The following ANKRD11 variants were observed in gnomAD, a reference collection of about 807,000 sequenced individuals.
ANKRD11 encodes ankyrin repeat domain-containing protein 11.
Under a neutral mutation model 195.7 loss-of-function variants are expected in ANKRD11, and 17 were observed. That is an observed-to-expected ratio of 0.09 (90% CI 0.06 to 0.13). The LOEUF is 0.13. ANKRD11 is among the 10% of genes least tolerant of loss of function. The probability of loss-of-function intolerance (pLI) is 1.00; values close to 1 mark genes in which losing one functional copy is unlikely to be tolerated. For synonymous variants in ANKRD11, 1,953 were observed against 1,528.1 expected (o/e 1.28, Z -6.49); for missense variants, 3,735 against 3,566.1 (o/e 1.05, Z -1.21).
chr16:89,439,935 C>A (rs1234153662), intron 1 of ANKRD11, among the ~76,000 whole-genome samples: 1 of 152,216 alleles, frequency 6.6e-6, no homozygotes, highest in Non-Finnish European at 1.5e-5. Flanking sequence ...CTGCACACAC[C>A]CACAGCAGGA....
rs746746062 is a variant in ANKRD11 at position 89,268,571 on chromosome 16, G to A, written c.7899C>T (p.Pro2633=). ...TCACGCACAGGGACTTGTGCCCGGC[G>A]GGGTCCAGTTCCTGCACCTTCAGCT... ...EWQLKVQELD[P]AGHKSLCVNE... Residue 2633 remains proline, a synonymous_variant, in exon 13 of 13, where the codon CCC becomes CCT. Transcript: ENST00000301030. 8.5e-6 allele frequency: 13 copies of A among 1,532,378 alleles called. No homozygotes were observed. Among genetic ancestry groups the A allele is most frequent in the Middle Eastern group, 2.1e-4 (1 of 4,822 alleles). 94.9% of individuals were successfully genotyped at this position (1,532,378 alleles called of 1,614,324 possible). A position where few individuals can be genotyped will look rare whatever the true frequency, so the allele number is the denominator to read the frequency against.
intron 3 of ANKRD11, chr16:89,313,649 T>G (rs2036753303): frequency 7.9e-7 from 1 of 1,263,638 alleles, no homozygotes; most frequent in Admixed American, 2.3e-5. Context: ...GAGTTTATGG[T>G]AGAAGACTGA....
At chr16:89,319,234 G>C (rs919632627) in intron 2 of ANKRD11, among the ~76,000 whole-genome samples, 4 of 152,204 alleles carry the variant, frequency 2.6e-5, no homozygotes, top group Admixed American at 2.6e-4. Context: ...ACGGCCTCCG[G>C]ACGGTGTCTG....
At chr16:89,490,000 CG>C (rs770726393) in intron 1 of ANKRD11, among the ~76,000 whole-genome samples, 48,685 of 109,332 alleles carry the variant, frequency 0.45, 11,756 homozygotes, top group East Asian at 0.6. Flanking sequence ...ACGGCCACCC[CG>C]GGCCCCCAAA....
intron 2 of ANKRD11, among the ~76,000 whole-genome samples, chr16:89,410,125 C>A (rs2042058286): frequency 6.6e-6 from 1 of 152,176 alleles, no homozygotes; most frequent in South Asian, 2.1e-4. Context: ...AGGCGTGAGC[C>A]ACCGCGTCCA....
chr16:89,367,781 C>T (rs1003350611), intron 2 of ANKRD11, among the ~76,000 whole-genome samples: 2 of 152,200 alleles, frequency 1.3e-5, no homozygotes. Context: ...CTGCCTCTTG[C>T]AAACTATGAC....
chr16:89,465,636 T>C (rs751229135), intron 1 of ANKRD11, among the ~76,000 whole-genome samples: 1 of 152,198 alleles, frequency 6.6e-6, no homozygotes, highest in African/African-American at 2.4e-5. Flanking sequence ...ACGACTCCCA[T>C]GTACTCCTGC....
chr16:89,316,637 G>A (rs1181624083), intron 3 of ANKRD11, among the ~76,000 whole-genome samples: 1 of 152,260 alleles, frequency 6.6e-6, no homozygotes, highest in Non-Finnish European at 1.5e-5. Context: ...AGCCAGGACA[G>A]AAATCCTGGA....
intron 2 of ANKRD11, among the ~76,000 whole-genome samples, chr16:89,404,826 G>C (rs1300483411): frequency 6.6e-6 from 1 of 152,230 alleles, no homozygotes; most frequent in African/African-American, 2.4e-5. Flanking sequence ...ATGCCACCTT[G>C]ACGCTGAATG....
chr16:89,482,597 C>T (rs148576958), intron 1 of ANKRD11, among the ~76,000 whole-genome samples: 135 of 152,278 alleles, frequency 8.9e-4, no homozygotes, highest in South Asian at 1.9e-3. Context: ...TCGCAGTGCT[C>T]GGGTGGGCCC....
At chr16:89,303,383 A>G (rs1274887647) in intron 4 of ANKRD11, among the ~76,000 whole-genome samples, 1 of 152,208 alleles carries the variant, frequency 6.6e-6, no homozygotes, top group Non-Finnish European at 1.5e-5. Flanking sequence ...GAGAGTACAC[A>G]GCACCGCTGG....
chr16:89,408,578 G>A (rs1597317086), intron 2 of ANKRD11, among the ~76,000 whole-genome samples: 1 of 152,146 alleles, frequency 6.6e-6, no homozygotes, highest in East Asian at 1.9e-4. Flanking sequence ...CGTGAGCACT[G>A]CCCCACACAC....
chr16:89,272,164 A>G (rs1050153424), intron 11 of ANKRD11: 1 of 152,254 alleles, frequency 6.6e-6, no homozygotes, highest in Non-Finnish European at 1.5e-5. Context: ...ATTGATCGTC[A>G]GAGAAATGCA....
At chr16:89,307,777 G>C (rs1177650992) in intron 3 of ANKRD11, among the ~76,000 whole-genome samples, 13 of 152,262 alleles carry the variant, frequency 8.5e-5, no homozygotes, top group African/African-American at 2.9e-4. Context: ...CGCCAGGAAA[G>C]AATGGCACAC....
At chr16:89,312,882 C>G (rs951854169) in intron 3 of ANKRD11, among the ~76,000 whole-genome samples, 1 of 152,154 alleles carries the variant, frequency 6.6e-6, no homozygotes, top group Non-Finnish European at 1.5e-5. Flanking sequence ...TCTTGAGGGA[C>G]GTAGCTCCCA....
intron 1 of ANKRD11, among the ~76,000 whole-genome samples, chr16:89,481,222 T>C (rs1369892164): frequency 1.3e-5 from 2 of 152,184 alleles, no homozygotes; most frequent in Admixed American, 6.5e-5. Flanking sequence ...ACCTACACAG[T>C]GTGCTTTCGA....
chr16:89,271,400 T>C (rs1004684180), intron 11 of ANKRD11: 6 of 237,172 alleles, frequency 2.5e-5, no homozygotes, highest in Non-Finnish European at 5.1e-5. Flanking sequence ...CACGCCCAGC[T>C]AATTTTGTAT....
chr16:89,464,276 C>T (rs143343030), intron 1 of ANKRD11, among the ~76,000 whole-genome samples: 83 of 150,664 alleles, frequency 5.5e-4, no homozygotes, highest in African/African-American at 1.9e-3. Flanking sequence ...GAATCTAACC[C>T]TCTTATCTAA....
intron 2 of ANKRD11, among the ~76,000 whole-genome samples, chr16:89,408,822 A>G (rs1369869937): frequency 1.3e-5 from 2 of 152,236 alleles, no homozygotes; most frequent in Non-Finnish European, 1.5e-5. Flanking sequence ...AATAAAAATA[A>G]GGAAAATGCA....
Sources: allele counts gnomAD v4.1 joint callset (sites outside exome capture counted in the v4.1 genomes callset), GRCh38; gene constraint gnomAD v4.1.1; transcripts MANE v1.5; gene names NCBI Gene and HGNC (gene_info 2026-07-23, HGNC 2026-07-21).